CHSY1: variants seen among roughly 807,000 people sequenced by gnomAD.
CHSY1 encodes N-acetylgalactosaminyl-proteoglycan 3-beta-glucuronosyltransferase 1.
Under a neutral mutation model 59.8 loss-of-function variants are expected in CHSY1, and 13 were observed. That is an observed-to-expected ratio of 0.22 (90% CI 0.14 to 0.35). The LOEUF (loss-of-function observed/expected upper bound fraction) is 0.35, where lower values mean the gene tolerates loss of function less well. Among genes scored for constraint, CHSY1 ranks in the 10% least tolerant of loss-of-function variants. CHSY1 has a pLI of 1.00. For missense variants in CHSY1, 947 were observed against 1,030.6 expected (o/e 0.92, Z 1.11); for synonymous variants, 459 against 401.2 (o/e 1.14, Z -1.72).
intron 2 of CHSY1, among the ~76,000 whole-genome samples, chr15:101,197,895 C>T (rs764534231): frequency 1.3e-5 from 2 of 152,044 alleles, no homozygotes; most frequent in African/African-American, 2.4e-5. Context: ...GGTATTTGGA[C>T]GCCTTATATC....
At chr15:101,206,200 G>C (rs745373597) in intron 2 of CHSY1, among the ~76,000 whole-genome samples, 8 of 151,782 alleles carry the variant, frequency 5.3e-5, no homozygotes, top group Non-Finnish European at 1.2e-4. Flanking sequence ...CGAGAGGTTT[G>C]ATTCAGGAGA....
chr15:101,237,303 T>C (rs922582969), intron 1 of CHSY1, among the ~76,000 whole-genome samples: 1 of 150,818 alleles, frequency 6.6e-6, no homozygotes, highest in South Asian at 2.1e-4. Context: ...GGCCTCTATG[T>C]TGCAAGAGCC....
chr15:101,231,338 C>G (rs749638750), intron 2 of CHSY1, among the ~76,000 whole-genome samples: 35 of 152,088 alleles, frequency 2.3e-4, no homozygotes, highest in African/African-American at 8.5e-4. Flanking sequence ...TTCATGTAAA[C>G]GGGGAGAGAA....
chr15:101,219,954 A>C (rs1322350519), intron 2 of CHSY1, among the ~76,000 whole-genome samples: 1 of 152,028 alleles, frequency 6.6e-6, no homozygotes, highest in African/African-American at 2.4e-5. Flanking sequence ...GGGTTTCTCC[A>C]TGTTGGCCAG....
At position 101,236,577 on chromosome 15, in the gene CHSY1, T is replaced by C. The variant is rs143720234; in HGVS notation, c.321-1000A>G. 6.6e-3 allele frequency among the ~76,000 whole-genome samples: 1,002 copies of C among 152,222 alleles called. 14 individuals carry two copies. The highest frequency in any genetic ancestry group is 0.023 in the African/African-American group (946 of 41,540). On this transcript the variant is annotated intron_variant, in intron 1 of 2. Coordinates refer to ENST00000254190, the MANE Select transcript of CHSY1 (RefSeq NM_014918.5). ...TGGCTCAAGCCTGTAATCCCTGTACTTTGGGAGGCCGAGGCGGGCGGATCA... is the reference window on the plus strand; with the variant it reads ...TGGCTCAAGCCTGTAATCCCTGTACCTTGGGAGGCCGAGGCGGGCGGATCA...
At chr15:101,196,911 G>A (rs887297650) in intron 2 of CHSY1, among the ~76,000 whole-genome samples, 11 of 152,216 alleles carry the variant, frequency 7.2e-5, no homozygotes, top group African/African-American at 2.7e-4. Flanking sequence ...CACATTGGCT[G>A]TATGTGACCC....
At chr15:101,246,003 A>C (rs1316428267) in intron 1 of CHSY1, among the ~76,000 whole-genome samples, 1 of 152,250 alleles carries the variant, frequency 6.6e-6, no homozygotes, top group African/African-American at 2.4e-5. Context: ...ATAAGATAGG[A>C]GGATCTCATT....
At chr15:101,195,641 GA>G (rs1458682681) in intron 2 of CHSY1, among the ~76,000 whole-genome samples, 3 of 152,182 alleles carry the variant, frequency 2.0e-5, no homozygotes, top group Non-Finnish European at 4.4e-5. Context: ...CTAACACGGT[GA>G]AACCCTGTTT....
Position 101,176,767 on chromosome 15 carries a change from G to A in CHSY1, c.*621C>T, listed in dbSNP as rs2038194750. Reference sequence around the variant, plus strand: ...GCCAAGATTGCGCCACTGCATTCCAGCCTGGGTAACAGAGTGAGACTCCGT... The same window carrying A: ...GCCAAGATTGCGCCACTGCATTCCAACCTGGGTAACAGAGTGAGACTCCGT... On this transcript the variant is annotated 3_prime_UTR_variant, in exon 3 of 3. Coordinates refer to ENST00000254190, the MANE Select transcript of CHSY1 (RefSeq NM_014918.5). 1.0e-5 allele frequency: 2 copies of A among 195,552 alleles called. No individual in the cohort carries two copies. The highest frequency in any genetic ancestry group is 2.3e-5 in the African/African-American group (1 of 43,270). 12.1% of individuals were successfully genotyped at this position (195,552 alleles called of 1,614,324 possible).
At chr15:101,251,030 A>C in intron 1 of CHSY1, 107 bp downstream of exon 1, 1 of 1,097,124 alleles carries the variant, frequency 9.1e-7, no homozygotes, top group Non-Finnish European at 1.3e-6. Context: ...CCGGAAGCCC[A>C]AGAAGGGCCT....
intron 2 of CHSY1, among the ~76,000 whole-genome samples, chr15:101,209,555 T>C (rs751372030): frequency 6.6e-6 from 1 of 152,092 alleles, no homozygotes; most frequent in Non-Finnish European, 1.5e-5. Context: ...GAAATTGTGA[T>C]ATGAATTCAA....
At chr15:101,187,789 C>A (rs1256941778) in intron 2 of CHSY1, 1 of 152,766 alleles carries the variant, frequency 6.5e-6, no homozygotes, top group Non-Finnish European at 1.5e-5. Context: ...TGAAACAACC[C>A]TTAATCTTTG....
intron 2 of CHSY1, among the ~76,000 whole-genome samples, chr15:101,217,788 G>A (rs922431777): frequency 6.6e-6 from 1 of 152,180 alleles, no homozygotes. Flanking sequence ...CTGAACAGAA[G>A]AAATCACATA....
chr15:101,225,234 A>G (rs75769894), intron 2 of CHSY1, among the ~76,000 whole-genome samples: 1 of 144,782 alleles, frequency 6.9e-6, no homozygotes, highest in African/African-American at 2.5e-5. Context: ...TACCCAGCTG[A>G]TTTTTTTTTT....
chr15:101,223,080 G>GC (rs777905406), intron 2 of CHSY1, among the ~76,000 whole-genome samples: 1 of 152,138 alleles, frequency 6.6e-6, no homozygotes, highest in South Asian at 2.1e-4. Flanking sequence ...TTCAACCTCT[G>GC]CCCCCCAGGT....
Position 101,178,517 on chromosome 15 carries a change from A to G in CHSY1, c.1280T>C (p.Ile427Thr). The stretch of plus-strand genomic sequence containing the variant: ...GCCGTACTGGATCTCTTTGAAGTCA[A>G]TGATGCGCCCTCTGGTCTTGGCGTT... ...NANAKTRGRI[I>T]DFKEIQYGYR... The change falls in exon 3 of 3, where the codon ATT (isoleucine) becomes ACT (threonine). Residue 427 changes from isoleucine to threonine, a missense_variant. Transcript: ENST00000254190. 1 of 1,614,246 alleles carries G rather than the reference A, an allele frequency of 6.2e-7. No individual in the cohort carries two copies. Among genetic ancestry groups the G allele is most frequent in the Non-Finnish European group, 8.5e-7 (1 of 1,180,050 alleles).
At chr15:101,245,786 G>C (rs1276807808) in intron 1 of CHSY1, among the ~76,000 whole-genome samples, 2 of 152,148 alleles carry the variant, frequency 1.3e-5, no homozygotes, top group Non-Finnish European at 2.9e-5. Context: ...TGGTTCCCTA[G>C]TCTCCTACAG....
intron 1 of CHSY1, among the ~76,000 whole-genome samples, chr15:101,238,916 G>A (rs1222446086): frequency 6.6e-6 from 1 of 152,174 alleles, no homozygotes; most frequent in Admixed American, 6.5e-5. Context: ...CCTACAAAGG[G>A]ACAAGTCCTT....
At chr15:101,241,616 T>A (rs2141279577) in intron 1 of CHSY1, among the ~76,000 whole-genome samples, 1 of 152,380 alleles carries the variant, frequency 6.6e-6, no homozygotes, top group African/African-American at 2.4e-5. Context: ...TTGTGATTTT[T>A]AAGCTTTAAT....
Sources: allele counts gnomAD v4.1 joint callset (sites outside exome capture counted in the v4.1 genomes callset), GRCh38; gene constraint gnomAD v4.1.1; transcripts MANE v1.5; gene names NCBI Gene and HGNC (gene_info 2026-07-23, HGNC 2026-07-21).